MAN1A1: variants seen among roughly 807,000 people sequenced by gnomAD.
MAN1A1 encodes the protein mannosyl-oligosaccharide 1,2-alpha-mannosidase IA.
Under a neutral mutation model 70.8 loss-of-function variants are expected in MAN1A1, and 29 were observed. That is an observed-to-expected ratio of 0.41 (90% CI 0.31 to 0.56). The LOEUF is 0.56. Ranked by LOEUF, MAN1A1 falls within the 20% of genes least tolerant of loss-of-function variation. The probability of loss-of-function intolerance (pLI) is 0.29; values close to 1 mark genes in which losing one functional copy is unlikely to be tolerated. For missense variants in MAN1A1, 747 were observed against 841.3 expected, an observed-to-expected ratio of 0.89 and a Z score of 1.39; for synonymous variants, 349 against 330.1, an observed-to-expected ratio of 1.06 and a Z score of -0.62.
intron 5 of MAN1A1, among the ~76,000 whole-genome samples, chr6:119,252,444 T>A (rs1055848851): frequency 1.3e-5 from 2 of 152,188 alleles, no homozygotes; most frequent in Admixed American, 1.3e-4. Context: ...ACCTACAACA[T>A]CAACAACACA....
At chr6:119,281,647 C>T (rs903726950) in intron 5 of MAN1A1, among the ~76,000 whole-genome samples, 8 of 152,216 alleles carry the variant, frequency 5.3e-5, no homozygotes. Flanking sequence ...ACTGAGATTT[C>T]AGGCTGTTGC....
intron 10 of MAN1A1, among the ~76,000 whole-genome samples, chr6:119,188,806 T>C (rs749959545): frequency 6.6e-6 from 1 of 152,192 alleles, no homozygotes; most frequent in Non-Finnish European, 1.5e-5. Context: ...AATCACCTTG[T>C]TTACTTATAC....
chr6:119,247,154 A>G (rs1312747571), intron 6 of MAN1A1, among the ~76,000 whole-genome samples: 1 of 152,218 alleles, frequency 6.6e-6, no homozygotes, highest in Non-Finnish European at 1.5e-5. Context: ...ATGTCACTAA[A>G]ATAAATAATT....
chr6:119,191,952 G>T (rs1043031421), intron 9 of MAN1A1, among the ~76,000 whole-genome samples: 2 of 151,544 alleles, frequency 1.3e-5, no homozygotes, highest in African/African-American at 2.4e-5. Context: ...AAATTTAGTT[G>T]TTCTAGCTTT....
At chr6:119,347,119 A>T (rs117729096) in intron 2 of MAN1A1, among the ~76,000 whole-genome samples, 4,177 of 152,332 alleles carry the variant, frequency 0.027, 90 homozygotes, top group Non-Finnish European at 0.045. Context: ...AGCTATCTGC[A>T]TAGGAAGGAT....
At chr6:119,183,344 C>T (rs919761260) in intron 11 of MAN1A1, among the ~76,000 whole-genome samples, 2 of 152,044 alleles carry the variant, frequency 1.3e-5, no homozygotes, top group African/African-American at 4.8e-5. Context: ...CCAGACAGTG[C>T]GTCAAATGGA....
chr6:119,314,141 C>G lies in MAN1A1; in HGVS notation c.604-7149G>C, dbSNP rs529137255. ...CATAGCTCTGTGAGGAGCTTCTATT[C>G]CACTTCTAGCATAGGCTGCCCTTCA... On this transcript the variant is annotated intron_variant, in intron 2 of 12. Coordinates refer to ENST00000368468, the MANE Select transcript of MAN1A1 (RefSeq NM_005907.4). Among the ~76,000 whole-genome samples the G allele has an allele frequency of 2.0e-5, 3 of 152,282 alleles. No homozygotes were observed. The East Asian group carries it at 5.8e-4, about 29-fold the overall frequency.
At chr6:119,208,643 G>A (rs1773954689) in intron 6 of MAN1A1, among the ~76,000 whole-genome samples, 1 of 152,206 alleles carries the variant, frequency 6.6e-6, no homozygotes, top group South Asian at 2.1e-4. Context: ...AGGGCTGGAG[G>A]AAGGAACCAC....
At chr6:119,274,945 GAGAA>G (rs1331421491) in intron 5 of MAN1A1, among the ~76,000 whole-genome samples, 1 of 152,172 alleles carries the variant, frequency 6.6e-6, no homozygotes, top group African/African-American at 2.4e-5. Flanking sequence ...TTTGTGTTTT[GAGAA>G]AGACTTAAGT....
intron 2 of MAN1A1, among the ~76,000 whole-genome samples, chr6:119,325,510 A>G (rs1773122862): frequency 6.6e-6 from 1 of 152,172 alleles, no homozygotes; most frequent in African/African-American, 2.4e-5. Flanking sequence ...TACAAAAATT[A>G]GCCAGGTGTG....
intron 2 of MAN1A1, among the ~76,000 whole-genome samples, chr6:119,315,066 T>C (rs1772813245): frequency 6.6e-6 from 1 of 152,336 alleles, no homozygotes; most frequent in East Asian, 1.9e-4. Flanking sequence ...TTCCTCTTTC[T>C]GTATTACTCG....
At chr6:119,184,788 A>G (rs1309816309) in intron 11 of MAN1A1, among the ~76,000 whole-genome samples, 2 of 152,202 alleles carry the variant, frequency 1.3e-5, no homozygotes, top group Non-Finnish European at 2.9e-5. Context: ...CAGCTGAGAC[A>G]TTATATAATC....
intron 6 of MAN1A1, among the ~76,000 whole-genome samples, chr6:119,235,612 A>T (rs1774820525): frequency 6.6e-6 from 1 of 152,236 alleles, no homozygotes; most frequent in African/African-American, 2.4e-5. Flanking sequence ...AGAAGTGCAG[A>T]AGACTTGGCT....
intron 5 of MAN1A1, among the ~76,000 whole-genome samples, chr6:119,265,479 C>A (rs1775727805): frequency 6.6e-6 from 1 of 152,026 alleles, no homozygotes; most frequent in South Asian, 2.1e-4. Flanking sequence ...GATGTCTAAA[C>A]ACTTCAGGAA....
chr6:119,259,464 T>C lies in MAN1A1; in HGVS notation c.898-11110A>G, dbSNP rs867012663. Among the ~76,000 whole-genome samples the C allele has an allele frequency of 4.6e-5, 7 of 152,232 alleles. No individual in the cohort carries two copies. The South Asian group carries it at 1.2e-3, about 27-fold the overall frequency. ...TACAGGTTTTGTTTCTTTTAAAAAA[T>C]GTAAAATGTAAGCTACTCATTTTTT... On this transcript the variant is annotated intron_variant, in intron 5 of 12. Coordinates refer to ENST00000368468, the MANE Select transcript of MAN1A1 (RefSeq NM_005907.4).
At chr6:119,203,214 A>G (rs1233176033) in intron 7 of MAN1A1, among the ~76,000 whole-genome samples, 1 of 152,290 alleles carries the variant, frequency 6.6e-6, no homozygotes. Context: ...ATTGAGAGTT[A>G]ACGGGACAGG....
Position 119,188,460 on chromosome 6 carries a change from A to G in MAN1A1, c.1664T>C (p.Met555Thr). 6.2e-7 allele frequency: 1 copy of G among 1,613,998 alleles called. No individual in the cohort carries two copies. Among genetic ancestry groups the G allele is most frequent in the Non-Finnish European group, 8.5e-7 (1 of 1,179,918 alleles). Reference sequence around the variant, plus strand: ...CTTTGGATCATGAGTCAGTCTCCACATATACATGTAAGTCTCCATAACTTC... The same window carrying G: ...CTTTGGATCATGAGTCAGTCTCCACGTATACATGTAAGTCTCCATAACTTC... ...RPEVMETYMY[M>T]WRLTHDPKYR... The change falls in exon 11 of 13, where the codon ATG (methionine) becomes ACG (threonine). Residue 555 changes from methionine (M) to threonine (T), a missense_variant. Physicochemically the swap from Met to Thr is moderately conservative, Grantham distance 81 (BLOSUM62 -1). Around this residue, in one of 2 missense-constraint regions of MAN1A1, gnomAD observed 419 missense variants for 548.2 expected, o/e 0.76. Transcript: ENST00000368468.
chr6:119,189,266 G>A (rs1773374098), intron 10 of MAN1A1, among the ~76,000 whole-genome samples: 1 of 152,128 alleles, frequency 6.6e-6, no homozygotes, highest in African/African-American at 2.4e-5. Flanking sequence ...TACACTTTGT[G>A]TTTCAAATTC....
intron 2 of MAN1A1, among the ~76,000 whole-genome samples, chr6:119,331,580 T>TATATATATATATAC (rs1554216768): frequency 4.2e-5 from 6 of 144,206 alleles, no homozygotes; most frequent in African/African-American, 1.6e-4. Context: ...CATATATATA[T>TATATATATATATAC]ATATATATAT....
Sources: gnomAD v4.1 joint callset for allele counts (sites outside exome capture counted in the v4.1 genomes callset) on GRCh38, gnomAD v4.1.1 for gene constraint, gnomAD v4.1.1 regional missense constraint, MANE v1.5 for transcripts, NCBI Gene and HGNC (gene_info 2026-07-23, HGNC 2026-07-21) for gene names.